Variants in PCCA observed in about 807,000 individuals in gnomAD.
PCCA encodes the protein propionyl-CoA carboxylase alpha chain, mitochondrial.
A neutral mutation model predicts 101.3 loss-of-function variants in PCCA; 74 were observed. The ratio of observed to expected loss-of-function variants is 0.73; its 90% CI spans 0.61 to 0.89. The LOEUF (loss-of-function observed/expected upper bound fraction) is 0.89. PCCA is among the 40% of genes least tolerant of loss of function. The pLI, the probability that PCCA is intolerant of heterozygous loss-of-function variation, is 0.00. For synonymous variants in PCCA, 294 were observed against 313.6 expected (o/e 0.94, Z 0.66); for missense variants, 891 against 907.0 (o/e 0.98, Z 0.23).
chr13:100,434,105 C>T (rs2079755844), intron 20 of PCCA, among the ~76,000 whole-genome samples: 1 of 152,182 alleles, frequency 6.6e-6, no homozygotes, highest in Admixed American at 6.5e-5. Context: ...GGACAAGACC[C>T]ATCTGGGATG....
chr13:100,358,359 C>G (rs1199891174), intron 18 of PCCA, among the ~76,000 whole-genome samples: 1 of 152,124 alleles, frequency 6.6e-6, no homozygotes, highest in Non-Finnish European at 1.5e-5. Flanking sequence ...CAACTATAAT[C>G]CAGAGGAAAA....
chr13:100,100,928 C>T (rs1211219047), intron 1 of PCCA, among the ~76,000 whole-genome samples: 4 of 151,990 alleles, frequency 2.6e-5, no homozygotes, highest in Admixed American at 6.6e-5. Flanking sequence ...CTCAGCCATC[C>T]GAGTAGCTGG....
intron 7 of PCCA, among the ~76,000 whole-genome samples, chr13:100,226,409 G>A (rs2060144450): frequency 6.6e-6 from 1 of 152,168 alleles, no homozygotes; most frequent in East Asian, 1.9e-4. Flanking sequence ...GAAAATTAAG[G>A]ATTGGTAAGT....
At chr13:100,287,560 C>G (rs1304060825) in intron 12 of PCCA, among the ~76,000 whole-genome samples, 1 of 151,996 alleles carries the variant, frequency 6.6e-6, no homozygotes, top group African/African-American at 2.4e-5. Flanking sequence ...TATATTGTTT[C>G]TCTTTTACAA....
intron 16 of PCCA, among the ~76,000 whole-genome samples, chr13:100,313,090 T>C (rs1324389515): frequency 6.6e-6 from 1 of 152,212 alleles, no homozygotes; most frequent in African/African-American, 2.4e-5. Flanking sequence ...TTGCTTTCTC[T>C]ATTTCTCCCT....
chr13:100,329,592 T>C (rs1482599973), intron 16 of PCCA, among the ~76,000 whole-genome samples: 1 of 152,166 alleles, frequency 6.6e-6, no homozygotes, highest in Non-Finnish European at 1.5e-5. Context: ...AGTGGGTGCC[T>C]CATGAGCTGA....
intron 6 of PCCA, among the ~76,000 whole-genome samples, chr13:100,169,614 G>A (rs779159605): frequency 6.6e-5 from 10 of 151,744 alleles, no homozygotes; most frequent in Non-Finnish European, 1.2e-4. Flanking sequence ...TGCAATCTCC[G>A]TCTCCCAGGT....
At chr13:100,302,861 T>C (rs564878194) in intron 13 of PCCA, 63 bp from the exon 14 acceptor site, 3 of 919,036 alleles carry the variant, frequency 3.3e-6, no homozygotes, top group African/African-American at 1.6e-5. Context: ...TGTGTAAATA[T>C]TTAACCTTAC....
intron 16 of PCCA, among the ~76,000 whole-genome samples, chr13:100,328,010 G>A (rs1297343294): frequency 6.6e-6 from 1 of 152,104 alleles, no homozygotes; most frequent in Non-Finnish European, 1.5e-5. Flanking sequence ...GATCACTTGA[G>A]CCCAGGAGTT....
chr13:100,220,896 C>T (rs574793170), intron 7 of PCCA, among the ~76,000 whole-genome samples: 2 of 152,300 alleles, frequency 1.3e-5, no homozygotes, highest in South Asian at 4.1e-4. Context: ...AATGGTTGGC[C>T]ATCTCTAACT....
chr13:100,490,008 A>G (rs866195408), intron 21 of PCCA: 1 of 152,212 alleles, frequency 6.6e-6, no homozygotes, highest in South Asian at 2.1e-4. Flanking sequence ...TAAATACCCC[A>G]TGGTGTGTGG....
intron 6 of PCCA, among the ~76,000 whole-genome samples, chr13:100,166,803 T>G (rs1211300976): frequency 6.6e-6 from 1 of 152,182 alleles, no homozygotes; most frequent in African/African-American, 2.4e-5. Flanking sequence ...AATGGCTAGA[T>G]CATTTGTATG....
intron 9 of PCCA, 32 bp downstream of exon 9, chr13:100,257,705 A>G: frequency 6.7e-7 from 1 of 1,496,656 alleles, no homozygotes; most frequent in Non-Finnish European, 9.3e-7. Context: ...ACTTTTGATG[A>G]AAATTGCAGT....
chr13:100,163,052 T>C (rs2054652635), intron 6 of PCCA, among the ~76,000 whole-genome samples: 1 of 152,216 alleles, frequency 6.6e-6, no homozygotes, highest in African/African-American at 2.4e-5. Flanking sequence ...CGATGTGGAA[T>C]ACTAAATGCT....
chr13:100,413,303 G>A (rs971288599), intron 19 of PCCA, among the ~76,000 whole-genome samples: 2 of 152,192 alleles, frequency 1.3e-5, no homozygotes, highest in African/African-American at 4.8e-5. Context: ...TTTTATGGAC[G>A]TCTTATAGTC....
chr13:100,434,042 C>T (rs1404095678), intron 20 of PCCA, among the ~76,000 whole-genome samples: 3 of 152,152 alleles, frequency 2.0e-5, no homozygotes, highest in Non-Finnish European at 4.4e-5. Context: ...CCAGCAAGGC[C>T]TATGTTCAGA....
intron 19 of PCCA, among the ~76,000 whole-genome samples, chr13:100,414,723 A>G (rs1037864650): frequency 3.3e-5 from 5 of 152,224 alleles, no homozygotes; most frequent in African/African-American, 1.2e-4. Context: ...GTCACAGTGT[A>G]ATTAACTGCA....
At chr13:100,241,412 A>G (rs1245005361) in intron 8 of PCCA, among the ~76,000 whole-genome samples, 1 of 152,062 alleles carries the variant, frequency 6.6e-6, no homozygotes, top group Non-Finnish European at 1.5e-5. Context: ...TCCATGTTCT[A>G]CCGTTTATCC....
intron 12 of PCCA, among the ~76,000 whole-genome samples, chr13:100,297,428 A>C (rs1045864294): frequency 1.3e-5 from 2 of 152,218 alleles, no homozygotes; most frequent in African/African-American, 4.8e-5. Context: ...CACAGTGCCA[A>C]GGAGATTTAG....
Sources: allele counts gnomAD v4.1 joint callset (sites outside exome capture counted in the v4.1 genomes callset), GRCh38; gene constraint gnomAD v4.1.1; transcripts MANE v1.5; gene names NCBI Gene and HGNC (gene_info 2026-07-23, HGNC 2026-07-21).